The following SSC5D variants were observed in gnomAD, a reference collection of about 807,000 sequenced individuals.
SSC5D encodes the protein soluble scavenger receptor cysteine-rich domain-containing protein SSC5D.
Under a neutral mutation model 104.6 loss-of-function variants are expected in SSC5D, and 106 were observed. The ratio of observed to expected loss-of-function variants is 1.01; its 90% CI spans 0.87 to 1.19. SSC5D has a LOEUF of 1.19. Ranked by LOEUF, SSC5D falls within the 50% of genes most tolerant of loss-of-function variation. The pLI is 0.00. For synonymous variants in SSC5D, 860 were observed against 883.5 expected (o/e 0.97, Z 0.47); for missense variants, 1,993 against 2,153.8 (o/e 0.93, Z 1.48).
intron 12 of SSC5D, among the ~76,000 whole-genome samples, chr19:55,506,274 T>C (rs1007019074): frequency 3.3e-5 from 5 of 151,444 alleles, no homozygotes; most frequent in African/African-American, 1.2e-4. Flanking sequence ...AACTCAGTAG[T>C]TAATTTTTAT....
Position 55,500,211 on chromosome 19 carries a change from A to AC in SSC5D, c.2105dup (p.Gln703SerfsTer9). On this transcript the variant is annotated frameshift_variant, in exon 10 of 14. Coordinates refer to ENST00000389623, the MANE Select transcript of SSC5D (RefSeq NM_001144950.2). LOFTEE classifies it high-confidence loss of function. This position sits in a 1 kb window ranked among gnomAD's most constrained non-coding sequence, Gnocchi z 4.6. ...GACCTCTCACACCACTGCCACGCTG[A>AC]CCCCTCAGGCCCCCCGAGAACGGAC... 1 of 1,550,560 alleles carries AC rather than the reference A, an allele frequency of 6.4e-7. No homozygotes were observed. The highest frequency in any genetic ancestry group is 2.0e-5 in the Admixed American group (1 of 50,882).
At chr19:55,505,097 ACC>A (rs1234851114) in intron 12 of SSC5D, among the ~76,000 whole-genome samples, 2 of 151,612 alleles carry the variant, frequency 1.3e-5, no homozygotes, top group African/African-American at 4.9e-5. Flanking sequence ...CGTGGTTCCA[ACC>A]CGGATTAGAA....
Position 55,500,882 on chromosome 19 carries a change from C to A in SSC5D, c.2617+78C>A. On this transcript the variant is annotated intron_variant, in intron 11 of 13. Transcript: ENST00000389623. The surrounding 1 kb of genome is among the most constrained non-coding windows in gnomAD (Gnocchi z 4.6). ...GAGTCAGGGTGGGGCCAGGTGACGG[C>A]ACCATGGTCGACTCTAAAGAACTGG... is the stretch of plus-strand genomic sequence containing the variant. The A allele has an allele frequency of 3.3e-6, 5 of 1,493,486 alleles. No individual in the cohort carries two copies. In the African/African-American group the frequency reaches 7.0e-5, roughly 21 times the overall value. 92.5% of individuals were successfully genotyped at this position (1,493,486 alleles called of 1,614,324 possible).
At chr19:55,496,156 A>T (rs993787342) in intron 8 of SSC5D, among the ~76,000 whole-genome samples, 9 of 152,174 alleles carry the variant, frequency 5.9e-5, no homozygotes, top group African/African-American at 2.2e-4. Flanking sequence ...GGCGACTCAG[A>T]GGGTTGTCCT....
In SSC5D at chr19:55,488,531, T is replaced by C. The variant is rs1374353884; in HGVS notation, c.-59T>C. 1.3e-6 allele frequency: 2 copies of C among 1,481,512 alleles called. No homozygotes were observed. The highest frequency in any genetic ancestry group is 1.4e-5 in the African/African-American group (1 of 70,512). The allele number at this position is 1,481,512 out of a possible 1,614,324, so 91.8% of individuals were successfully genotyped here. ...CCTCCCTCTCTCCCCAGCTGCCTCC[T>C]CCTCTTCTCTCCCCGCTCTCCTTCC... On this transcript the variant is annotated 5_prime_UTR_variant, in exon 1 of 14. Coordinates refer to ENST00000389623, the MANE Select transcript of SSC5D (RefSeq NM_001144950.2).
chr19:55,498,448 T>C (rs1472375941), intron 9 of SSC5D, among the ~76,000 whole-genome samples: 1 of 152,244 alleles, frequency 6.6e-6, no homozygotes, highest in African/African-American at 2.4e-5. Flanking sequence ...AACAACTAAC[T>C]GGCAGATCTG....
chr19:55,514,143 C>T (rs1489805233), intron 13 of SSC5D, among the ~76,000 whole-genome samples: 1 of 152,096 alleles, frequency 6.6e-6, no homozygotes, highest in Non-Finnish European at 1.5e-5. Flanking sequence ...CAATGGCTGA[C>T]GCCTGTAATC....
Position 55,518,747 on chromosome 19 carries a change from G to T in SSC5D, c.4471G>T (p.Val1491Leu). The change falls in exon 14 of 14, where the codon GTG (valine) becomes TTG (leucine). Residue 1491 changes from valine to leucine, a missense_variant. Physicochemically the swap from Val to Leu is conservative, Grantham distance 32. Around this residue, in one of 6 missense-constraint regions of SSC5D, gnomAD observed 349 missense variants for 397.6 expected, o/e 0.88. Transcript: ENST00000389623. The stretch of plus-strand genomic sequence containing the variant: ...CATGGCTTGTGAGCCACCTGCCCTG[G>T]TGGAGCTGGTGGCTGCTGTGAGGGA... Reference protein sequence around the residue: ...RVMACEPPALVELVAAVRDVG... With the variant: ...RVMACEPPALLELVAAVRDVG... 1 of 1,550,892 alleles carries T rather than the reference G, an allele frequency of 6.4e-7. No homozygotes were observed. Among genetic ancestry groups the T allele is most frequent in the Non-Finnish European group, 8.7e-7 (1 of 1,146,898 alleles).
Position 55,517,200 on chromosome 19 carries a change from CGTCT to C in SSC5D, c.2948-19_2948-16del, listed in dbSNP as rs1222981817. Reference sequence around the variant, plus strand: ...CGGAGCCGGTTGACCTCAGACCGTCCGTCTGTCTTTCCTCCTCCTCCAGGTTCCC... The same window carrying C: ...CGGAGCCGGTTGACCTCAGACCGTCCGTCTTTCCTCCTCCTCCAGGTTCCC... On this transcript the variant is annotated intron_variant, in intron 13 of 13. Transcript: ENST00000389623. 17 of 1,525,702 alleles carry C rather than the reference CGTCT, an allele frequency of 1.1e-5. No homozygotes were observed. Among genetic ancestry groups the C allele is most frequent in the Admixed American group, 2.0e-5 (1 of 50,240 alleles). The allele number at this position is 1,525,702 out of a possible 1,614,324, so 94.5% of individuals were successfully genotyped here.
Position 55,493,994 on chromosome 19 carries a change from G to GGGGGGGGT in SSC5D, c.1213+82_1213+83insGGGGGGGT. ...GGGCAAGTTCGGCGGGGGCGGGGGGGTCCCTACGCGCCCTTCCTGCCCTCT... is the reference window on the plus strand; with the variant it reads ...GGGCAAGTTCGGCGGGGGCGGGGGGGGGGGGGGTTCCCTACGCGCCCTTCCTGCCCTCT... On this transcript the variant is annotated intron_variant, in intron 7 of 13. Coordinates refer to ENST00000389623, the MANE Select transcript of SSC5D (RefSeq NM_001144950.2). 7 of 143,314 alleles carry GGGGGGGGT rather than the reference G, an allele frequency of 4.9e-5. 1 individual carries two copies. Among genetic ancestry groups the GGGGGGGGT allele is most frequent in the South Asian group, 1.6e-4 (2 of 12,758 alleles). The allele number at this position is 143,314 out of a possible 1,614,324, so 8.9% of individuals were successfully genotyped here. A position where few individuals can be genotyped will look rare whatever the true frequency, so the allele number is the denominator to read the frequency against.
At chr19:55,494,253 C>G (rs913171237) in intron 7 of SSC5D, among the ~76,000 whole-genome samples, 4 of 152,130 alleles carry the variant, frequency 2.6e-5, no homozygotes, top group Non-Finnish European at 5.9e-5. Flanking sequence ...ACAGTCCAGC[C>G]CCAAATGGAA....
At chr19:55,501,809 T>G (rs1251573206) in intron 12 of SSC5D, among the ~76,000 whole-genome samples, 1 of 152,224 alleles carries the variant, frequency 6.6e-6, no homozygotes, top group East Asian at 1.9e-4. Flanking sequence ...TCTGCCTTTT[T>G]CTTTGCCTGT....
intron 12 of SSC5D, among the ~76,000 whole-genome samples, chr19:55,502,308 G>GT (rs1405792681): frequency 6.6e-6 from 1 of 151,646 alleles, no homozygotes; most frequent in Non-Finnish European, 1.5e-5. Context: ...TCTTTATGCC[G>GT]TATTTTTTTC....
At chr19:55,495,815 T>G (rs984119427) in intron 8 of SSC5D, among the ~76,000 whole-genome samples, 2 of 150,840 alleles carry the variant, frequency 1.3e-5, no homozygotes, top group African/African-American at 2.4e-5. Context: ...TAATCACAGC[T>G]CCCTGCAGTC....
At chr19:55,501,995 C>T (rs994719206) in intron 12 of SSC5D, among the ~76,000 whole-genome samples, 7 of 152,022 alleles carry the variant, frequency 4.6e-5, no homozygotes, top group Admixed American at 1.3e-4. Context: ...CTTGACTGCC[C>T]GGGCCCAAGC....
At chr19:55,514,779 G>C (rs974557117) in intron 13 of SSC5D, among the ~76,000 whole-genome samples, 2 of 152,138 alleles carry the variant, frequency 1.3e-5, no homozygotes. Flanking sequence ...TTCCATGCTA[G>C]ACATTACACT....
intron 1 of SSC5D, 118 bp downstream of exon 1, chr19:55,488,732 C>T (rs1419792606): frequency 7.8e-6 from 7 of 898,162 alleles, no homozygotes; most frequent in Admixed American, 2.1e-5. Flanking sequence ...TCCTGCATAC[C>T]CTGACATCCC....
rs111456686 is a variant in SSC5D, at chr19:55,518,152, C to T, written c.3876C>T (p.Thr1292=). The change falls in exon 14 of 14, where the codon ACC becomes ACT. Residue 1292 remains threonine, a synonymous_variant. Coordinates refer to ENST00000389623, the MANE Select transcript of SSC5D (RefSeq NM_001144950.2). ...HPTTTPHPTT[T]PHPTTTPHPT... is the part of the protein sequence containing the mutation. ...CCACGACTCCTCACCCCACCACAAC[C>T]CCTCACCCCACCACAACCCCTCACC... 107,898 of 1,441,770 alleles carry T rather than the reference C, an allele frequency of 0.075. 5,715 individuals are homozygous for T. The highest frequency in any genetic ancestry group is 0.2 in the African/African-American group (11,211 of 56,080). 89.3% of individuals were successfully genotyped at this position (1,441,770 alleles called of 1,614,324 possible). A position where few individuals can be genotyped will look rare whatever the true frequency, so the allele number is the denominator to read the frequency against.
At position 55,500,607 on chromosome 19, in the gene SSC5D, C is replaced by A; in HGVS notation, c.2420C>A (p.Thr807Asn). Residue 807 changes from threonine to asparagine, a missense_variant, in exon 11 of 14, where the codon ACT becomes AAT. Transcript: ENST00000389623. The surrounding 1 kb of genome is among the most constrained non-coding windows in gnomAD (Gnocchi z 4.6). ...CDDNWDLRDA[T>N]VACWELGCGK... Reference sequence around the variant, plus strand: ...GACAACTGGGACCTGCGGGACGCCACTGTGGCCTGCTGGGAACTGGGCTGT... The same window carrying A: ...GACAACTGGGACCTGCGGGACGCCAATGTGGCCTGCTGGGAACTGGGCTGT... 1 of 1,551,770 alleles carries A rather than the reference C, an allele frequency of 6.4e-7. No individual in the cohort carries two copies. Among genetic ancestry groups the A allele is most frequent in the Non-Finnish European group, 8.7e-7 (1 of 1,147,020 alleles).
Sources: allele counts gnomAD v4.1 joint callset (sites outside exome capture counted in the v4.1 genomes callset), GRCh38; gene constraint gnomAD v4.1.1; regional missense constraint gnomAD v4.1.1; non-coding constraint Gnocchi (gnomAD v3.1); transcripts MANE v1.5; gene names NCBI Gene and HGNC (gene_info 2026-07-23, HGNC 2026-07-21).